Variants in GRIA1 observed in about 807,000 individuals in gnomAD.
The protein encoded by GRIA1 is glutamate ionotropic receptor AMPA type subunit 1, also known as glutamate receptor 1.
Under a neutral mutation model 99.2 loss-of-function variants are expected in GRIA1, and 31 were observed. The ratio of observed to expected loss-of-function variants is 0.31; its 90% CI spans 0.23 to 0.42. GRIA1 has a LOEUF of 0.42. Among genes scored for constraint, GRIA1 ranks in the 10% least tolerant of loss-of-function variants. The probability of loss-of-function intolerance (pLI) is 1.00; values close to 1 mark genes in which losing one functional copy is unlikely to be tolerated. For synonymous variants in GRIA1, 438 were observed against 432.4 expected, an observed-to-expected ratio of 1.01 and a Z score of -0.16; for missense variants, 782 against 1,157.5, an observed-to-expected ratio of 0.68 and a Z score of 4.71.
intron 2 of GRIA1, among the ~76,000 whole-genome samples, chr5:153,547,547 T>C (rs972694135): frequency 5.9e-5 from 9 of 152,208 alleles, no homozygotes; most frequent in African/African-American, 2.2e-4. Context: ...GTGGGAGTTG[T>C]AACTCAACAC....
chr5:153,531,984 C>G (rs1758135599), intron 2 of GRIA1, among the ~76,000 whole-genome samples: 1 of 152,114 alleles, frequency 6.6e-6, no homozygotes, highest in Admixed American at 6.5e-5. Context: ...CTTGAAAACC[C>G]TCTCTAGGGA....
intron 2 of GRIA1, among the ~76,000 whole-genome samples, chr5:153,625,152 C>T (rs138587594): frequency 3.9e-4 from 60 of 152,208 alleles, no homozygotes; most frequent in African/African-American, 1.2e-3. Flanking sequence ...TGTGTGCTCT[C>T]GTGTGTCCCA....
intron 2 of GRIA1, among the ~76,000 whole-genome samples, chr5:153,521,400 T>C (rs74413693): frequency 0.019 from 2,871 of 152,360 alleles, 42 homozygotes; most frequent in Non-Finnish European, 0.024. Context: ...CTTTCTGCTG[T>C]AGCTGCAAAG....
chr5:153,533,265 A>G (rs1758248195), intron 2 of GRIA1, among the ~76,000 whole-genome samples: 1 of 152,104 alleles, frequency 6.6e-6, no homozygotes, highest in South Asian at 2.1e-4. Flanking sequence ...TTCCAAAGGC[A>G]TTTCAATTCA....
chr5:153,723,176 T>G (rs1760204217), intron 11 of GRIA1, among the ~76,000 whole-genome samples: 1 of 152,232 alleles, frequency 6.6e-6, no homozygotes, highest in Non-Finnish European at 1.5e-5. Flanking sequence ...TGGTTGCTTT[T>G]ATTGACCCAT....
At chr5:153,780,976 G>A (rs567130840) in intron 13 of GRIA1, among the ~76,000 whole-genome samples, 1 of 152,240 alleles carries the variant, frequency 6.6e-6, no homozygotes, top group South Asian at 2.1e-4. Flanking sequence ...TGTCTGAGAA[G>A]CCCAGTCTCG....
Position 153,766,344 on chromosome 5 carries a change from T to C in GRIA1, c.2022+1712T>C, listed in dbSNP as rs889120854. Among the ~76,000 whole-genome samples the C allele has an allele frequency of 2.0e-5, 3 of 152,196 alleles. No homozygotes were observed. The East Asian group carries it at 5.8e-4, about 29-fold the overall frequency. On this transcript the variant is annotated intron_variant, in intron 12 of 15. Transcript: ENST00000285900. ...AAAGTGTGAAGAAGGTGCCTGTTTC[T>C]ACTTGTCCATAAAGCCTGTCCTATG... is the stretch of plus-strand genomic sequence containing the variant.
At chr5:153,522,618 C>T (rs1287614317) in intron 2 of GRIA1, among the ~76,000 whole-genome samples, 3 of 152,088 alleles carry the variant, frequency 2.0e-5, no homozygotes, top group Non-Finnish European at 4.4e-5. Flanking sequence ...TCCTTAGGGA[C>T]CCAAGCTGAA....
chr5:153,772,991 TAAC>T (rs1390224878), intron 13 of GRIA1, among the ~76,000 whole-genome samples: 1 of 152,032 alleles, frequency 6.6e-6, no homozygotes, highest in African/African-American at 2.4e-5. Context: ...TGGAACAAGG[TAAC>T]AACTCAGGAA....
intron 2 of GRIA1, among the ~76,000 whole-genome samples, chr5:153,639,886 C>T (rs989074895): frequency 6.6e-6 from 1 of 152,210 alleles, no homozygotes; most frequent in African/African-American, 2.4e-5. Flanking sequence ...AGTTCTATTA[C>T]AGGTACTTCA....
intron 11 of GRIA1, among the ~76,000 whole-genome samples, chr5:153,756,724 G>T (rs1762856565): frequency 6.6e-6 from 1 of 152,100 alleles, no homozygotes; most frequent in Admixed American, 6.5e-5. Flanking sequence ...GAGAACCCTA[G>T]ATTAGGATAC....
intron 11 of GRIA1, among the ~76,000 whole-genome samples, chr5:153,727,123 C>A (rs1409175899): frequency 6.6e-6 from 1 of 151,986 alleles, no homozygotes; most frequent in Non-Finnish European, 1.5e-5. Context: ...TAAACAGAAC[C>A]AAAGACAAAA....
intron 11 of GRIA1, among the ~76,000 whole-genome samples, chr5:153,710,446 C>G (rs1272939410): frequency 6.6e-6 from 1 of 152,114 alleles, no homozygotes; most frequent in Non-Finnish European, 1.5e-5. Flanking sequence ...TGGTCTTGAA[C>G]CCCTGAACCC....
chr5:153,538,885 T>G (rs1758822979), intron 2 of GRIA1, among the ~76,000 whole-genome samples: 1 of 152,222 alleles, frequency 6.6e-6, no homozygotes, highest in Non-Finnish European at 1.5e-5. Context: ...CTACCTTACC[T>G]GTAACCTATA....
chr5:153,549,182 A>T (rs1406177255), intron 2 of GRIA1, among the ~76,000 whole-genome samples: 1 of 152,176 alleles, frequency 6.6e-6, no homozygotes, highest in Non-Finnish European at 1.5e-5. Context: ...ACCAGGCTGG[A>T]TAATTGAGAT....
At chr5:153,634,783 TTTTC>T (rs1245087671) in intron 2 of GRIA1, among the ~76,000 whole-genome samples, 2 of 152,198 alleles carry the variant, frequency 1.3e-5, no homozygotes, top group Non-Finnish European at 2.9e-5. Flanking sequence ...ATGATTCAGC[TTTTC>T]TTCTGTGTCT....
chr5:153,779,070 T>C (rs1764467169), intron 13 of GRIA1, among the ~76,000 whole-genome samples: 1 of 152,206 alleles, frequency 6.6e-6, no homozygotes, highest in Non-Finnish European at 1.5e-5. Flanking sequence ...TTAAACCAAC[T>C]GTGCCATAAG....
At chr5:153,684,788 G>A (rs1411090046) in intron 7 of GRIA1, among the ~76,000 whole-genome samples, 1 of 152,128 alleles carries the variant, frequency 6.6e-6, no homozygotes, top group Admixed American at 6.6e-5. Flanking sequence ...TCTCTGAAAA[G>A]CAAAGATAGC....
At chr5:153,586,992 G>GA (rs1763542959) in intron 2 of GRIA1, among the ~76,000 whole-genome samples, 1 of 152,148 alleles carries the variant, frequency 6.6e-6, no homozygotes, top group African/African-American at 2.4e-5. Context: ...GCTCTAGGTT[G>GA]AATTGCTCAC....
Sources: gnomAD v4.1 joint callset for allele counts (sites outside exome capture counted in the v4.1 genomes callset) on GRCh38, gnomAD v4.1.1 for gene constraint, MANE v1.5 for transcripts, NCBI Gene and HGNC (gene_info 2026-07-23, HGNC 2026-07-21) for gene names.